Variants in GYPB observed in about 807,000 individuals in gnomAD.
GYPB encodes the protein glycophorin B (MNS blood group).
In GYPB, 13 loss-of-function variants were observed where a neutral mutation model predicts 15.3. The observed-to-expected ratio is 0.85, with a 90% confidence interval of 0.55 to 1.35. The LOEUF (loss-of-function observed/expected upper bound fraction) is 1.35. GYPB is among the 40% of genes most tolerant of loss of function. The probability of loss-of-function intolerance (pLI) is 0.00; values close to 1 mark genes in which losing one functional copy is unlikely to be tolerated. For synonymous variants in GYPB, 38 were observed against 36.9 expected, an observed-to-expected ratio of 1.03 and a Z score of -0.11; for missense variants, 131 against 108.3, an observed-to-expected ratio of 1.21 and a Z score of -0.93.
chr4:144,015,109 C>G (rs1188417501), intron 1 of GYPB, among the ~76,000 whole-genome samples: 1 of 151,334 alleles, frequency 6.6e-6, no homozygotes, highest in African/African-American at 2.5e-5. Context: ...AAATTAAAGA[C>G]TTCTTAGAAA....
At chr4:144,008,519 T>C (rs1366945703) in intron 1 of GYPB, 1 of 454,930 alleles carries the variant, frequency 2.2e-6, no homozygotes, top group Non-Finnish European at 4.4e-6. Flanking sequence ...AAGTTGAATC[T>C]TAATTTTTCC....
Position 144,010,001 on chromosome 4 carries a change from T to C in GYPB, c.38-8718A>G, listed in dbSNP as rs539222469. On this transcript the variant is annotated intron_variant, in intron 1 of 4. Coordinates refer to ENST00000502664, the MANE Select transcript of GYPB (RefSeq NM_002100.6). ...ACTAGGGGGCCAGCCGTTCACAGGC[T>C]ATAGTTTGCTTGGCCCCTGTATTAG... Among the ~76,000 whole-genome samples the C allele has an allele frequency of 9.9e-5, 15 of 151,452 alleles. 1 individual carries two copies. Among genetic ancestry groups the C allele is most frequent in the Admixed American group, 8.5e-4 (13 of 15,276 alleles).
intron 1 of GYPB, among the ~76,000 whole-genome samples, chr4:144,001,699 GTTA>G (rs1049423761): frequency 2.0e-5 from 3 of 151,102 alleles, no homozygotes; most frequent in African/African-American, 7.4e-5. Context: ...GGGTATTATT[GTTA>G]TTATGCTTAT....
downstream of GYPB, among the ~76,000 whole-genome samples, chr4:143,995,612 T>C (rs1727278559): frequency 1.3e-5 from 2 of 151,058 alleles, no homozygotes; most frequent in South Asian, 4.2e-4. Flanking sequence ...TGATGAGTGC[T>C]CTCCAGAGTT....
At chr4:144,011,606 A>T (rs904951464) in intron 1 of GYPB, among the ~76,000 whole-genome samples, 6 of 151,242 alleles carry the variant, frequency 4.0e-5, no homozygotes, top group African/African-American at 1.5e-4. Context: ...ATACAATACC[A>T]TTGAGAAATT....
At chr4:144,018,095 T>A (rs1728599036) in intron 1 of GYPB, among the ~76,000 whole-genome samples, 1 of 151,410 alleles carries the variant, frequency 6.6e-6, no homozygotes, top group South Asian at 2.1e-4. Flanking sequence ...AGAAAATGCG[T>A]AGTACGCTTA....
rs551018242 is a variant in GYPB at position 144,015,665 on chromosome 4, C to T, written c.37+3586G>A. Among the ~76,000 whole-genome samples the T allele has an allele frequency of 2.6e-5, 4 of 151,508 alleles. No individual in the cohort carries two copies. The South Asian group carries it at 8.3e-4, about 31-fold the overall frequency. ...AAGTAAGTTTGAGATACCATCCCTA[C>T]TTTCCCCTCTATTCAGACCTTTTCT... On this transcript the variant is annotated intron_variant, in intron 1 of 4. Transcript: ENST00000502664.
rs531429793 is a variant in GYPB at position 144,016,385 on chromosome 4, C to A, written c.37+2866G>T. Among the ~76,000 whole-genome samples the A allele has an allele frequency of 2.7e-3, 397 of 148,106 alleles. 1 individual carries two copies. Among genetic ancestry groups the A allele is most frequent in the African/African-American group, 9.6e-3 (367 of 38,428 alleles). ...CCTTCTTGCCTCCCTCTCTCTCTCC[C>A]TCCTCTCTTCTTTCCTTCCTTCTTT... On this transcript the variant is annotated intron_variant, in intron 1 of 4. Coordinates refer to ENST00000502664, the MANE Select transcript of GYPB (RefSeq NM_002100.6).
chr4:144,018,849 C>T (rs1382515650), intron 1 of GYPB, among the ~76,000 whole-genome samples: 2 of 151,042 alleles, frequency 1.3e-5, no homozygotes, highest in Non-Finnish European at 2.9e-5. Context: ...TAGGAAATTA[C>T]ACCTTTTGAA....
chr4:144,001,990 C>T (rs1236934367), intron 1 of GYPB, among the ~76,000 whole-genome samples: 1 of 74,210 alleles, frequency 1.3e-5, no homozygotes, highest in Non-Finnish European at 3.3e-5. Context: ...AAAAAAAAAA[C>T]CACACACGCA....
At chr4:144,010,385 C>T (rs550475107) in intron 1 of GYPB, among the ~76,000 whole-genome samples, 28 of 151,562 alleles carry the variant, frequency 1.8e-4, no homozygotes, top group African/African-American at 5.9e-4. Flanking sequence ...TGGAGAATCA[C>T]TTGAATCCAG....
At chr4:144,011,031 A>G (rs1397969922) in intron 1 of GYPB, among the ~76,000 whole-genome samples, 1 of 151,606 alleles carries the variant, frequency 6.6e-6, no homozygotes, top group Non-Finnish European at 1.5e-5. Flanking sequence ...GAATTAATGA[A>G]TGCATATGGA....
At chr4:144,008,663 T>G (rs915377224) in intron 1 of GYPB, among the ~76,000 whole-genome samples, 8 of 151,580 alleles carry the variant, frequency 5.3e-5, no homozygotes, top group African/African-American at 2.0e-4. Context: ...TCACACACAT[T>G]AAATTTGGGC....
intron 2 of GYPB, chr4:143,999,933 C>T (rs1488558450): frequency 6.1e-6 from 1 of 164,532 alleles, no homozygotes; most frequent in Admixed American, 6.3e-5. Flanking sequence ...TGAGCTTTTG[C>T]CAATAGTCTC....
intron 4 of GYPB, 50 bp from the exon 5 acceptor site, chr4:143,996,354 A>G: frequency 6.5e-7 from 1 of 1,549,906 alleles, no homozygotes; most frequent in Non-Finnish European, 8.7e-7. Context: ...CTTGACCATG[A>G]GCTAAGACTC....
chr4:144,010,150 G>C (rs573637775), intron 1 of GYPB, among the ~76,000 whole-genome samples: 5 of 151,244 alleles, frequency 3.3e-5, no homozygotes, highest in African/African-American at 1.2e-4. Flanking sequence ...CAGTCCAGTG[G>C]GTTGTCACTG....
intron 1 of GYPB, among the ~76,000 whole-genome samples, chr4:144,010,387 T>G (rs1320095925): frequency 6.6e-6 from 1 of 151,438 alleles, no homozygotes; most frequent in African/African-American, 2.5e-5. Flanking sequence ...GAGAATCACT[T>G]GAATCCAGCA....
intron 3 of GYPB, 118 bp downstream of exon 3, chr4:143,999,293 A>T: frequency 1.6e-6 from 1 of 624,348 alleles, no homozygotes; most frequent in Non-Finnish European, 2.9e-6. Context: ...TCGTGTGAAT[A>T]AAGTTAACAA....
chr4:144,002,008 A>T (rs555237974), intron 1 of GYPB, among the ~76,000 whole-genome samples: 39 of 149,756 alleles, frequency 2.6e-4, no homozygotes, highest in Non-Finnish European at 3.1e-4. Flanking sequence ...GCAAACAGGA[A>T]ATCAGAATGT....
Sources: gnomAD v4.1 joint callset for allele counts (sites outside exome capture counted in the v4.1 genomes callset) on GRCh38, gnomAD v4.1.1 for gene constraint, MANE v1.5 for transcripts, NCBI Gene and HGNC (gene_info 2026-07-23, HGNC 2026-07-21) for gene names.